CAMTA1: variants seen among roughly 807,000 people sequenced by gnomAD.
CAMTA1 encodes the protein calmodulin-binding transcription activator 1.
In CAMTA1, 27 loss-of-function variants were observed where a neutral mutation model predicts 170.9. The observed-to-expected ratio is 0.16, with a 90% CI of 0.12 to 0.22. CAMTA1 has a LOEUF of 0.22. CAMTA1 is among the 10% of genes least tolerant of loss of function. The pLI is 1.00. For synonymous variants in CAMTA1, 833 were observed against 891.5 expected, an observed-to-expected ratio of 0.93 and a Z score of 1.17; for missense variants, 1,619 against 2,217.2, an observed-to-expected ratio of 0.73 and a Z score of 5.42.
intron 4 of CAMTA1, among the ~76,000 whole-genome samples, chr1:7,132,294 A>G (rs1025787856): frequency 6.6e-6 from 1 of 152,054 alleles, no homozygotes; most frequent in African/African-American, 2.4e-5. Context: ...TTCTCCTTCA[A>G]CAGAGTCTTG....
chr1:7,480,353 GTGTT>G (rs1042643632), intron 6 of CAMTA1, among the ~76,000 whole-genome samples: 11 of 151,730 alleles, frequency 7.2e-5, no homozygotes, highest in South Asian at 2.1e-4. Context: ...GTGCATGTGT[GTGTT>G]TGTGCATGTG....
rs1575839052 is a variant in CAMTA1 at position 7,532,596 on chromosome 1, C to T, written c.510+64695C>T. Among the ~76,000 whole-genome samples, 1 of 152,218 alleles carries T rather than the reference C, an allele frequency of 6.6e-6. No individual in the cohort carries two copies. The highest frequency in any genetic ancestry group is 1.5e-5 in the Non-Finnish European group (1 of 68,042). ...TTCTTTCTTTAATCCATCACTTAGG[C>T]CACAGATATTTACCAGTCAGGTATT... On this transcript the variant is annotated intron_variant, in intron 6 of 22. Coordinates refer to ENST00000303635, the MANE Select transcript of CAMTA1 (RefSeq NM_015215.4). This position sits in a 1 kb window ranked among gnomAD's most constrained non-coding sequence, Gnocchi z 4.2.
intron 4 of CAMTA1, among the ~76,000 whole-genome samples, chr1:7,206,954 T>C (rs1013009896): frequency 3.3e-5 from 5 of 152,186 alleles, no homozygotes; most frequent in African/African-American, 7.2e-5. Flanking sequence ...TTCTTCTAAG[T>C]GCCCCTCTCT....
intron 6 of CAMTA1, among the ~76,000 whole-genome samples, chr1:7,542,344 G>C (rs898885006): frequency 6.6e-6 from 1 of 151,916 alleles, no homozygotes; most frequent in African/African-American, 2.4e-5. Context: ...TATAAGATGA[G>C]GTTTAGTGTT....
chr1:6,871,101 C>T (rs1286179196), intron 3 of CAMTA1, among the ~76,000 whole-genome samples: 3 of 152,154 alleles, frequency 2.0e-5, no homozygotes, highest in African/African-American at 4.8e-5. Context: ...TGAAGCCTGT[C>T]AGATACAGGA....
At chr1:6,823,273 G>T (rs1380842107) in intron 2 of CAMTA1, among the ~76,000 whole-genome samples, 2 of 152,162 alleles carry the variant, frequency 1.3e-5, no homozygotes, top group East Asian at 3.9e-4. Flanking sequence ...TCGGGAGGAT[G>T]AAGTGCAGGG....
chr1:7,521,446 A>G (rs553090422), intron 6 of CAMTA1, among the ~76,000 whole-genome samples: 1 of 151,230 alleles, frequency 6.6e-6, no homozygotes, highest in South Asian at 2.1e-4. Context: ...CGTTTTCCCC[A>G]TTTTTACTTG....
intron 10 of CAMTA1, among the ~76,000 whole-genome samples, chr1:7,675,736 G>A (rs1356135004): frequency 6.6e-6 from 1 of 152,202 alleles, no homozygotes; most frequent in Non-Finnish European, 1.5e-5. Flanking sequence ...ATCTGCAGTG[G>A]AGATGGAGAG....
chr1:6,794,548 G>C (rs1267070500), intron 1 of CAMTA1, among the ~76,000 whole-genome samples: 2 of 152,152 alleles, frequency 1.3e-5, no homozygotes, highest in Non-Finnish European at 2.9e-5. Context: ...CCATATGAAT[G>C]GTAAAGAAGA....
intron 6 of CAMTA1, among the ~76,000 whole-genome samples, chr1:7,507,056 T>C (rs562251298): frequency 6.7e-6 from 1 of 149,854 alleles, no homozygotes; most frequent in Admixed American, 6.6e-5. Flanking sequence ...ACACTCAAAA[T>C]TCACACTTGC....
chr1:7,209,309 C>A (rs1473123699), intron 4 of CAMTA1, among the ~76,000 whole-genome samples: 1 of 152,112 alleles, frequency 6.6e-6, no homozygotes, highest in Non-Finnish European at 1.5e-5. Context: ...AGAAAAACTG[C>A]CAAGTTTGTT....
chr1:7,454,572 A>G (rs886804704), intron 5 of CAMTA1, among the ~76,000 whole-genome samples: 5 of 152,168 alleles, frequency 3.3e-5, no homozygotes, highest in Admixed American at 1.3e-4. Context: ...AACTTCCACC[A>G]GGCACCCCAG....
At chr1:7,254,071 G>C (rs1283578718) in intron 5 of CAMTA1, among the ~76,000 whole-genome samples, 1 of 152,188 alleles carries the variant, frequency 6.6e-6, no homozygotes, top group African/African-American at 2.4e-5. Flanking sequence ...CCTGAAGGAA[G>C]TGACATGAGC....
Position 7,580,792 on chromosome 1 carries a change from CA to C in CAMTA1, c.511-59606del, listed in dbSNP as rs1383589670. Among the ~76,000 whole-genome samples, 2 of 152,144 alleles carry C rather than the reference CA, an allele frequency of 1.3e-5. No homozygotes were observed. Among genetic ancestry groups the C allele is most frequent in the African/African-American group, 4.8e-5 (2 of 41,428 alleles). ...TTGGAGGGTTTGGTTATCTCCTCCCCAACCAAGATCTCCTCCAACCCGTGCC... is the reference window on the plus strand; with the variant it reads ...TTGGAGGGTTTGGTTATCTCCTCCCCACCAAGATCTCCTCCAACCCGTGCC... On this transcript the variant is annotated intron_variant, in intron 6 of 22. Coordinates refer to ENST00000303635, the MANE Select transcript of CAMTA1 (RefSeq NM_015215.4). This position sits in a 1 kb window ranked among gnomAD's most constrained non-coding sequence, Gnocchi z 4.3.
chr1:7,428,025 G>T (rs2149345843), intron 5 of CAMTA1, among the ~76,000 whole-genome samples: 1 of 152,342 alleles, frequency 6.6e-6, no homozygotes, highest in South Asian at 2.1e-4. Flanking sequence ...GAAGCAGGAA[G>T]CAGGCAGCAC....
chr1:7,100,145 C>T (rs1020201683), intron 4 of CAMTA1, among the ~76,000 whole-genome samples: 14 of 152,120 alleles, frequency 9.2e-5, no homozygotes, highest in Non-Finnish European at 1.8e-4. Context: ...GGCGGGTTAG[C>T]GTGTTGTTCC....
rs747859234 is a variant in CAMTA1, at chr1:6,970,059, C to T, written c.235-121245C>T. ...TCCCACCAACCCTGTGTGGTCAACT[C>T]ACCCTCTCCCTCCCAGGATCTCTAA... On this transcript the variant is annotated intron_variant, in intron 3 of 22. Transcript: ENST00000303635. This position sits in a 1 kb window ranked among gnomAD's most constrained non-coding sequence, Gnocchi z 4.4. 9.2e-5 allele frequency among the ~76,000 whole-genome samples: 14 copies of T among 152,208 alleles called. No homozygotes were observed. The highest frequency in any genetic ancestry group is 2.1e-4 in the South Asian group (1 of 4,822).
intron 3 of CAMTA1, among the ~76,000 whole-genome samples, chr1:7,054,063 T>G (rs1341694550): frequency 6.6e-6 from 1 of 152,198 alleles, no homozygotes; most frequent in Non-Finnish European, 1.5e-5. Context: ...GCACAGACCA[T>G]CGTCCTCACT....
intron 4 of CAMTA1, among the ~76,000 whole-genome samples, chr1:7,232,906 G>T (rs1486144676): frequency 6.6e-6 from 1 of 151,002 alleles, no homozygotes; most frequent in East Asian, 1.9e-4. Context: ...GAGAAAAATT[G>T]ATTTCAGCCA....
Sources: allele counts gnomAD v4.1 joint callset (sites outside exome capture counted in the v4.1 genomes callset), GRCh38; gene constraint gnomAD v4.1.1; non-coding constraint Gnocchi (gnomAD v3.1); transcripts MANE v1.5; gene names NCBI Gene and HGNC (gene_info 2026-07-23, HGNC 2026-07-21).